Variants in SHANK2 observed in about 807,000 individuals in gnomAD.
SHANK2 encodes the protein SH3 and multiple ankyrin repeat domains protein 2.
In SHANK2, 43 loss-of-function variants were observed where a neutral mutation model predicts 133.7. The observed-to-expected ratio is 0.32, with a 90% confidence interval of 0.25 to 0.41. The LOEUF (loss-of-function observed/expected upper bound fraction) is 0.41, where lower values mean the gene tolerates loss of function less well. SHANK2 is among the 10% of genes least tolerant of loss of function. The pLI, the probability that SHANK2 is intolerant of heterozygous loss-of-function variation, is 1.00. For synonymous variants in SHANK2, 1,017 were observed against 952.8 expected (o/e 1.07, Z -1.24); for missense variants, 1,994 against 2,235.8 (o/e 0.89, Z 2.18).
chr11:70,726,811 T>G (rs1946189959), intron 14 of SHANK2, among the ~76,000 whole-genome samples: 1 of 152,224 alleles, frequency 6.6e-6, no homozygotes, highest in Non-Finnish European at 1.5e-5. Context: ...ATTGACCAGT[T>G]CTGAGTCTAG....
intron 17 of SHANK2, among the ~76,000 whole-genome samples, chr11:70,629,282 C>A (rs1188820237): frequency 6.6e-6 from 1 of 152,184 alleles, no homozygotes; most frequent in East Asian, 1.9e-4. Flanking sequence ...CAGGCTGCTG[C>A]CGAAAAGGCT....
intron 17 of SHANK2, among the ~76,000 whole-genome samples, chr11:70,537,495 C>G (rs1034934722): frequency 2.0e-5 from 3 of 152,220 alleles, no homozygotes; most frequent in Non-Finnish European, 2.9e-5. Flanking sequence ...TGCAGCCAAG[C>G]CAAGGAACGC....
chr11:71,168,957 A>T (rs1401762502), intron 2 of SHANK2, among the ~76,000 whole-genome samples: 3 of 152,250 alleles, frequency 2.0e-5, no homozygotes, highest in African/African-American at 7.2e-5. Flanking sequence ...TTGAGCAAAC[A>T]GTGATTTATG....
intron 17 of SHANK2, among the ~76,000 whole-genome samples, chr11:70,655,907 T>G (rs2061400148): frequency 6.6e-6 from 1 of 152,170 alleles, no homozygotes; most frequent in African/African-American, 2.4e-5. Flanking sequence ...TCTCGCCTCA[T>G]GATTCTGATT....
At chr11:71,190,451 A>C (rs1555115180) in intron 2 of SHANK2, among the ~76,000 whole-genome samples, 3 of 151,958 alleles carry the variant, frequency 2.0e-5, no homozygotes, top group Non-Finnish European at 2.9e-5. Context: ...TCCTGAACTA[A>C]CCCCTGCAAT....
At chr11:70,779,483 A>G (rs1328997687) in intron 14 of SHANK2, among the ~76,000 whole-genome samples, 6 of 152,158 alleles carry the variant, frequency 3.9e-5, no homozygotes, top group African/African-American at 1.2e-4. Context: ...AAGATAACAA[A>G]GACATTCTAT....
intron 11 of SHANK2, among the ~76,000 whole-genome samples, chr11:70,856,666 T>C (rs1165417502): frequency 6.6e-6 from 1 of 152,140 alleles, no homozygotes; most frequent in Non-Finnish European, 1.5e-5. Flanking sequence ...CTCTAGGGGG[T>C]GTGAGTTTAA....
At chr11:70,795,407 C>CTTTTTT (rs71049944) in intron 14 of SHANK2, among the ~76,000 whole-genome samples, 1 of 128,454 alleles carries the variant, frequency 7.8e-6, no homozygotes, top group African/African-American at 2.9e-5. Context: ...CTTTCTTTTT[C>CTTTTTT]TTTTTTTTTT....
chr11:71,236,129 C>T (rs1357339564), intron 1 of SHANK2, among the ~76,000 whole-genome samples: 3 of 152,166 alleles, frequency 2.0e-5, no homozygotes, highest in Admixed American at 2.0e-4. Context: ...GCTCGGGACC[C>T]GTCTCACCAT....
At chr11:70,633,183 G>A (rs1482605163) in intron 17 of SHANK2, among the ~76,000 whole-genome samples, 16 of 148,246 alleles carry the variant, frequency 1.1e-4, no homozygotes, top group Non-Finnish European at 1.5e-4. Context: ...ATTCATATAC[G>A]TAACATAAAT....
At chr11:70,516,743 C>T (rs987345895) in intron 17 of SHANK2, among the ~76,000 whole-genome samples, 3 of 152,160 alleles carry the variant, frequency 2.0e-5, no homozygotes, top group Admixed American at 1.3e-4. Flanking sequence ...AAAGAAAGAA[C>T]TCTTACATCT....
intron 10 of SHANK2, among the ~76,000 whole-genome samples, chr11:70,947,979 A>T (rs1201546883): frequency 6.8e-6 from 1 of 147,986 alleles, no homozygotes; most frequent in East Asian, 2.0e-4. Context: ...GCACCATCCC[A>T]CCCCCACCTC....
chr11:71,140,687 G>T (rs1361969016), intron 3 of SHANK2, among the ~76,000 whole-genome samples: 3 of 152,198 alleles, frequency 2.0e-5, no homozygotes, highest in Admixed American at 6.5e-5. Flanking sequence ...ACGCCAACCC[G>T]CAATGGCTCA....
At chr11:70,507,804 C>T (rs998044849) in intron 17 of SHANK2, among the ~76,000 whole-genome samples, 2 of 152,208 alleles carry the variant, frequency 1.3e-5, no homozygotes, top group Non-Finnish European at 2.9e-5. Context: ...AGTTCCAGCA[C>T]CAAGCATGTG....
At chr11:70,661,266 T>C (rs2061483563) in intron 16 of SHANK2, among the ~76,000 whole-genome samples, 1 of 151,860 alleles carries the variant, frequency 6.6e-6, no homozygotes. Context: ...GAACACAAAA[T>C]ACTGACCACC....
At chr11:70,866,421 C>T (rs541620190) in intron 11 of SHANK2, among the ~76,000 whole-genome samples, 31 of 152,200 alleles carry the variant, frequency 2.0e-4, no homozygotes, top group Admixed American at 1.9e-3. Context: ...ATTCTGAGAA[C>T]GAGATGCTGC....
intron 14 of SHANK2, among the ~76,000 whole-genome samples, chr11:70,703,361 C>T (rs1380633147): frequency 1.3e-5 from 2 of 152,192 alleles, no homozygotes; most frequent in Admixed American, 1.3e-4. Flanking sequence ...ATCTCATGAG[C>T]GACCCGTGTA....
chr11:70,687,960 C>T (rs541090803), intron 15 of SHANK2, among the ~76,000 whole-genome samples: 128 of 152,362 alleles, frequency 8.4e-4, no homozygotes, highest in Non-Finnish European at 1.6e-3. Context: ...TGAGGCTGCT[C>T]TGAGCCAGGA....
chr11:70,858,505 C>T (rs893354519), intron 11 of SHANK2, among the ~76,000 whole-genome samples: 8 of 152,254 alleles, frequency 5.3e-5, no homozygotes, highest in African/African-American at 1.9e-4. Context: ...TCCAACCTGA[C>T]CATGGCTCTC....
Sources: allele counts gnomAD v4.1 joint callset (sites outside exome capture counted in the v4.1 genomes callset), GRCh38; gene constraint gnomAD v4.1.1; transcripts MANE v1.5; gene names NCBI Gene and HGNC (gene_info 2026-07-23, HGNC 2026-07-21).